The following BBS1 variants were observed in gnomAD, a reference collection of about 807,000 sequenced individuals.
BBS1 encodes the protein BBSome complex member BBS1.
Under a neutral mutation model 73.9 loss-of-function variants are expected in BBS1, and 60 were observed. The observed-to-expected ratio is 0.81, with a 90% confidence interval of 0.66 to 1.01. The LOEUF is 1.01. Ranked by LOEUF, BBS1 falls within the 50% of genes least tolerant of loss-of-function variation. The probability of loss-of-function intolerance (pLI) is 0.00; values close to 1 mark genes in which losing one functional copy is unlikely to be tolerated. For missense variants in BBS1, 718 were observed against 770.3 expected, an observed-to-expected ratio of 0.93 and a Z score of 0.80; for synonymous variants, 283 against 317.4, an observed-to-expected ratio of 0.89 and a Z score of 1.15.
chr11:66,526,855 T>C (rs1385149623), intron 13 of BBS1, 48 bp downstream of exon 13: 15 of 1,613,976 alleles, frequency 9.3e-6, no homozygotes, highest in African/African-American at 1.3e-5. Context: ...CCACTGCTCC[T>C]ACACAGCAAA....
chr11:66,531,799 A>T, intron 16 of BBS1, 57 bp downstream of exon 16: 1 of 1,600,394 alleles, frequency 6.2e-7, no homozygotes, highest in Non-Finnish European at 8.5e-7. Flanking sequence ...GAGGACAGTA[A>T]GGGTGAGTGC....
chr11:66,516,872 G>A (rs1483722523), intron 7 of BBS1, among the ~76,000 whole-genome samples: 1 of 151,978 alleles, frequency 6.6e-6, no homozygotes, highest in African/African-American at 2.4e-5. Context: ...TTTCAATCTT[G>A]ATGATAATCA....
intron 15 of BBS1, 140 bp downstream of exon 15, chr11:66,531,168 C>A: frequency 1.6e-6 from 2 of 1,226,122 alleles, no homozygotes; most frequent in Non-Finnish European, 2.3e-6. Flanking sequence ...TCTCCCACCA[C>A]AGACCAGGCC....
chr11:66,531,800 G>C, intron 16 of BBS1, 58 bp downstream of exon 16: 1 of 1,613,772 alleles, frequency 6.2e-7, no homozygotes, highest in Non-Finnish European at 8.5e-7. Flanking sequence ...AGGACAGTAA[G>C]GGTGAGTGCC....
intron 14 of BBS1, 137 bp from the exon 15 acceptor site, chr11:66,530,757 C>T: frequency 7.7e-7 from 1 of 1,302,084 alleles, no homozygotes; most frequent in Non-Finnish European, 1.1e-6. Context: ...CCCTTCTGGT[C>T]TTCTGTGTCT....
At chr11:66,524,000 C>T (rs1856371722) in intron 11 of BBS1, 118 bp downstream of exon 11, 1 of 1,440,170 alleles carries the variant, frequency 6.9e-7, no homozygotes, top group Non-Finnish European at 9.5e-7. Context: ...TTTGTTGAGG[C>T]CAGGCACAGT....
chr11:66,526,361 G>C (rs1856490854), intron 12 of BBS1, among the ~76,000 whole-genome samples, 169 bp downstream of exon 12: 1 of 152,242 alleles, frequency 6.6e-6, no homozygotes, highest in Non-Finnish European at 1.5e-5. Context: ...GACAGCCCAA[G>C]GGCTGGGTCC....
intron 11 of BBS1, among the ~76,000 whole-genome samples, chr11:66,525,431 T>G (rs1247475313): frequency 6.6e-6 from 1 of 151,716 alleles, no homozygotes; most frequent in African/African-American, 2.4e-5. Flanking sequence ...CCAAGCATGG[T>G]GGTGCATGCC....
rs1341953647 is a variant in BBS1, at chr11:66,514,534, A to G, written c.288A>G (p.Gln96=). ...PAAAATFLME[Q]HEPRTPALAL... is the part of the protein sequence containing the mutation. ...CTGCTGCCACCTTCCTCATGGAGCA[A>G]CATGAGCCCCGGACCCCAGCTCTGG... The change falls in exon 4 of 17, where the codon CAA becomes CAG. Residue 96 remains glutamine (Q), a synonymous_variant. Coordinates refer to ENST00000318312, the MANE Select transcript of BBS1 (RefSeq NM_024649.5). 1 of 1,614,158 alleles carries G rather than the reference A, an allele frequency of 6.2e-7. No homozygotes were observed. Among genetic ancestry groups the G allele is most frequent in the Non-Finnish European group, 8.5e-7 (1 of 1,180,022 alleles).
chr11:66,530,627 GT>G, intron 14 of BBS1, among the ~76,000 whole-genome samples: 1 of 152,226 alleles, frequency 6.6e-6, no homozygotes, highest in Admixed American at 6.5e-5. Context: ...CAGGCAGGGG[GT>G]GGGGGTGAGG....
rs1015062158 is a variant in BBS1 at position 66,533,316 on chromosome 11, G to A, written c.*1279G>A. The A allele has an allele frequency of 3.3e-5, 5 of 152,312 alleles. No homozygotes were observed. In the East Asian group the frequency reaches 7.7e-4, roughly 23 times the overall value. The allele number at this position is 152,312 out of a possible 1,614,324, so 9.4% of individuals were successfully genotyped here. On this transcript the variant is annotated 3_prime_UTR_variant, in exon 17 of 17. Coordinates refer to ENST00000318312, the MANE Select transcript of BBS1 (RefSeq NM_024649.5). ...TTACACAGTTTGTAACAAGAAAACA[G>A]TCTCTCCCATTCTCTAGTACTGCTC...
At chr11:66,518,131 A>G (rs1327256394) in intron 7 of BBS1, among the ~76,000 whole-genome samples, 1 of 147,864 alleles carries the variant, frequency 6.8e-6, no homozygotes, top group African/African-American at 2.5e-5. Context: ...CTAATTTTGT[A>G]TTTTTAGTAG....
chr11:66,514,326 C>T (rs1419023501), intron 3 of BBS1, 80 bp from the exon 4 acceptor site: 6 of 1,554,712 alleles, frequency 3.9e-6, no homozygotes, highest in East Asian at 2.2e-5. Flanking sequence ...AATGAATGTG[C>T]ACCAGCAATA....
At chr11:66,524,847 C>G (rs1033842682) in intron 11 of BBS1, among the ~76,000 whole-genome samples, 1 of 151,572 alleles carries the variant, frequency 6.6e-6, no homozygotes, top group African/African-American at 2.4e-5. Context: ...CAGGCGATCA[C>G]AGTTCTGGAA....
chr11:66,523,672 C>G, intron 10 of BBS1, 52 bp from the exon 11 acceptor site: 1 of 1,610,346 alleles, frequency 6.2e-7, no homozygotes, highest in African/African-American at 1.3e-5. Context: ...AGAAACCGTT[C>G]TTTCCACTGT....
chr11:66,522,591 C>CCG (rs1431900147), intron 9 of BBS1, among the ~76,000 whole-genome samples: 26 of 152,186 alleles, frequency 1.7e-4, no homozygotes, highest in Admixed American at 9.8e-4. Context: ...TGTGATCCAC[C>CCG]CTTCTCGGCC....
intron 9 of BBS1, 49 bp from the exon 10 acceptor site, chr11:66,523,407 A>C (rs1372696339): frequency 5.0e-6 from 8 of 1,613,868 alleles, no homozygotes; most frequent in Non-Finnish European, 6.8e-6. Context: ...CAGCCATAGA[A>C]GTGGAGAGGA....
intron 3 of BBS1, among the ~76,000 whole-genome samples, chr11:66,512,011 T>TATAC (rs1855960164): frequency 6.8e-6 from 1 of 146,570 alleles, no homozygotes; most frequent in Non-Finnish European, 1.5e-5. Flanking sequence ...AAAATATATA[T>TATAC]ATATATATGT....
At chr11:66,527,128 A>G in intron 13 of BBS1, 1 of 1,000,928 alleles carries the variant, frequency 1.0e-6, no homozygotes, top group Non-Finnish European at 1.5e-6. Context: ...TGTAATCCCA[A>G]CACTTTGGCA....
Sources: allele counts gnomAD v4.1 joint callset (sites outside exome capture counted in the v4.1 genomes callset), GRCh38; gene constraint gnomAD v4.1.1; transcripts MANE v1.5; gene names NCBI Gene and HGNC (gene_info 2026-07-23, HGNC 2026-07-21).